The following NEK10 variants were observed in gnomAD, a reference collection of about 807,000 sequenced individuals.
NEK10 encodes the protein serine/threonine-protein kinase Nek10.
Under a neutral mutation model 159.8 loss-of-function variants are expected in NEK10, and 122 were observed. That is an observed-to-expected ratio of 0.76 (90% CI 0.66 to 0.89). NEK10 has a LOEUF of 0.89. Ranked by LOEUF, NEK10 falls within the 40% of genes least tolerant of loss-of-function variation. The pLI is 0.00. For synonymous variants in NEK10, 466 were observed against 457.1 expected, an observed-to-expected ratio of 1.02 and a Z score of -0.25; for missense variants, 1,342 against 1,323.1, an observed-to-expected ratio of 1.01 and a Z score of -0.22.
In NEK10 at chr3:27,226,297, G is replaced by A. The variant is rs542618308; in HGVS notation, c.2091-23740C>T. Reference sequence around the variant, plus strand: ...CCTGACCTTGTGACCTGCCTGCCTCGGCCTCCCAAAGTGCTAGGATTACAG... The same window carrying A: ...CCTGACCTTGTGACCTGCCTGCCTCAGCCTCCCAAAGTGCTAGGATTACAG... On this transcript the variant is annotated intron_variant, in intron 23 of 35. Transcript: ENST00000691995. Among the ~76,000 whole-genome samples, 11 of 151,416 alleles carry A rather than the reference G, an allele frequency of 7.3e-5. No individual in the cohort carries two copies. In the South Asian group the frequency reaches 1.0e-3, roughly 14 times the overall value.
intron 22 of NEK10, among the ~76,000 whole-genome samples, chr3:27,280,505 C>T (rs529530822): frequency 1.1e-3 from 160 of 152,204 alleles, no homozygotes; most frequent in African/African-American, 3.6e-3. Flanking sequence ...TAGAATTCGA[C>T]GAAAATTTAT....
intron 23 of NEK10, among the ~76,000 whole-genome samples, chr3:27,220,872 A>G (rs1952028747): frequency 6.6e-6 from 1 of 152,228 alleles, no homozygotes; most frequent in African/African-American, 2.4e-5. Context: ...TAAACCTTAT[A>G]TATATGGTCA....
chr3:27,209,316 C>T (rs1243284261), intron 23 of NEK10, among the ~76,000 whole-genome samples: 2 of 152,142 alleles, frequency 1.3e-5, no homozygotes, highest in Non-Finnish European at 2.9e-5. Flanking sequence ...TTTAAGTCAT[C>T]TTTATTCTAG....
At chr3:27,143,668 C>T (rs1043305566) in intron 30 of NEK10, among the ~76,000 whole-genome samples, 6 of 152,146 alleles carry the variant, frequency 3.9e-5, no homozygotes, top group South Asian at 4.1e-4. Flanking sequence ...TATTTAATTA[C>T]GCATGCCCCT....
intron 22 of NEK10, among the ~76,000 whole-genome samples, chr3:27,261,897 C>T (rs1024705153): frequency 6.6e-6 from 1 of 152,156 alleles, no homozygotes; most frequent in African/African-American, 2.4e-5. Flanking sequence ...CTTTATCAAT[C>T]GGGGTACCCC....
At chr3:27,338,516 C>G (rs1357314777) in intron 5 of NEK10, among the ~76,000 whole-genome samples, 1 of 152,226 alleles carries the variant, frequency 6.6e-6, no homozygotes, top group Non-Finnish European at 1.5e-5. Flanking sequence ...GCCACACTGT[C>G]TTCCACAATG....
Position 27,250,027 on chromosome 3 carries a change from C to T in NEK10, c.2090+6269G>A, listed in dbSNP as rs200058913. On this transcript the variant is annotated intron_variant, in intron 23 of 35. Coordinates refer to ENST00000691995, the MANE Select transcript of NEK10 (RefSeq NM_001394966.1). ...ACTGTATACTTTAATTTTGTCCCCC[C>T]ACTTTTTAACTTATTGTTTCTCTTT... 2.4e-4 allele frequency among the ~76,000 whole-genome samples: 37 copies of T among 152,196 alleles called. 1 individual carries two copies. In the East Asian group the frequency reaches 6.6e-3, roughly 27 times the overall value.
chr3:27,270,245 G>A (rs2041228300), intron 22 of NEK10, among the ~76,000 whole-genome samples: 1 of 152,160 alleles, frequency 6.6e-6, no homozygotes, highest in South Asian at 2.1e-4. Context: ...TTCTGCTGAA[G>A]AGGTTATATA....
At chr3:27,230,537 T>C (rs1461514209) in intron 23 of NEK10, among the ~76,000 whole-genome samples, 1 of 152,048 alleles carries the variant, frequency 6.6e-6, no homozygotes, top group South Asian at 2.1e-4. Flanking sequence ...ACAATGAACG[T>C]AAATGGCCTA....
In NEK10 at chr3:27,295,563, C is replaced by T. The variant is rs534343196; in HGVS notation, c.1308+50G>A. The T allele has an allele frequency of 1.4e-4, 217 of 1,528,624 alleles. 4 individuals carry two copies. In the South Asian group the frequency reaches 2.5e-3, roughly 18 times the overall value. The allele number at this position is 1,528,624 out of a possible 1,614,324, so 94.7% of individuals were successfully genotyped here. On this transcript the variant is annotated intron_variant, in intron 15 of 35. Coordinates refer to ENST00000691995, the MANE Select transcript of NEK10 (RefSeq NM_001394966.1). ...ATCATAGATCATTTTACCATAGTTA[C>T]CCAAGATTTCAATAACTTGATACTG...
chr3:27,243,252 A>T (rs9860251), intron 23 of NEK10, among the ~76,000 whole-genome samples: 25,732 of 152,082 alleles, frequency 0.17, 4,712 homozygotes, highest in African/African-American at 0.46. Flanking sequence ...ATTAAATATA[A>T]AAATTAATAA....
intron 5 of NEK10, among the ~76,000 whole-genome samples, chr3:27,327,947 A>C (rs2046128054): frequency 6.7e-6 from 1 of 148,870 alleles, no homozygotes; most frequent in Non-Finnish European, 1.5e-5. Flanking sequence ...AAAAAAAAAA[A>C]CAAGAATATA....
intron 23 of NEK10, among the ~76,000 whole-genome samples, chr3:27,236,769 CA>C: frequency 6.6e-6 from 1 of 152,186 alleles, no homozygotes; most frequent in African/African-American, 2.4e-5. Flanking sequence ...GATCACAAGG[CA>C]AAGGGCAAAA....
chr3:27,350,273 C>T (rs2047877135), intron 3 of NEK10, among the ~76,000 whole-genome samples: 1 of 151,930 alleles, frequency 6.6e-6, no homozygotes, highest in African/African-American at 2.4e-5. Flanking sequence ...TGCTCCCAAC[C>T]CTTGTTTTTC....
intron 3 of NEK10, among the ~76,000 whole-genome samples, chr3:27,347,498 G>A (rs1447050246): frequency 9.2e-5 from 5 of 54,634 alleles, no homozygotes; most frequent in Non-Finnish European, 1.5e-4. Flanking sequence ...GTGAAACTCC[G>A]TCTCAAAAAA....
intron 5 of NEK10, among the ~76,000 whole-genome samples, chr3:27,327,743 T>A (rs2046109426): frequency 6.6e-6 from 1 of 152,216 alleles, no homozygotes; most frequent in Non-Finnish European, 1.5e-5. Flanking sequence ...GTCTTTTTCA[T>A]GTCACAGCCC....
chr3:27,150,805 T>A (rs1037587097), intron 30 of NEK10, among the ~76,000 whole-genome samples: 5 of 152,198 alleles, frequency 3.3e-5, no homozygotes, highest in African/African-American at 1.2e-4. Context: ...CTCTGATGAA[T>A]CTAGGCAAAG....
At chr3:27,324,511 A>T (rs1559502727) in intron 5 of NEK10, among the ~76,000 whole-genome samples, 1 of 152,102 alleles carries the variant, frequency 6.6e-6, no homozygotes, top group Non-Finnish European at 1.5e-5. Context: ...TTTCCCTCAC[A>T]TTCTTTGCCA....
At chr3:27,157,754 A>G (rs1945625666) in intron 30 of NEK10, among the ~76,000 whole-genome samples, 1 of 152,168 alleles carries the variant, frequency 6.6e-6, no homozygotes, top group African/African-American at 2.4e-5. Flanking sequence ...CGCTACAGAG[A>G]AACTTTTGTG....
Sources: gnomAD v4.1 joint callset for allele counts (sites outside exome capture counted in the v4.1 genomes callset) on GRCh38, gnomAD v4.1.1 for gene constraint, MANE v1.5 for transcripts, NCBI Gene and HGNC (gene_info 2026-07-23, HGNC 2026-07-21) for gene names.